The following LAMA2 variants were observed in gnomAD, a reference collection of about 807,000 sequenced individuals.
LAMA2 encodes the protein laminin subunit alpha-2.
Under a neutral mutation model 364.8 loss-of-function variants are expected in LAMA2, and 269 were observed. That is an observed-to-expected ratio of 0.74 (90% CI 0.67 to 0.82). LAMA2 has a LOEUF of 0.82. LAMA2 is among the 40% of genes least tolerant of loss of function. The pLI is 0.00. For synonymous variants in LAMA2, 1,379 were observed against 1,370.6 expected (o/e 1.01, Z -0.14); for missense variants, 3,807 against 3,873.2 (o/e 0.98, Z 0.45).
chr6:129,483,051 T>G (rs1218104186), intron 55 of LAMA2, among the ~76,000 whole-genome samples: 14 of 133,224 alleles, frequency 1.1e-4, no homozygotes, highest in Non-Finnish European at 1.8e-4. Flanking sequence ...TGCGCGACAA[T>G]GTGAGACTCC....
intron 35 of LAMA2, among the ~76,000 whole-genome samples, chr6:129,385,840 T>C (rs1778985528): frequency 6.6e-6 from 1 of 152,180 alleles, no homozygotes; most frequent in Non-Finnish European, 1.5e-5. Context: ...TTTCTATTCT[T>C]AATAAATTTA....
chr6:128,929,600 G>A (rs1779322593), intron 1 of LAMA2: 6 of 1,338,720 alleles, frequency 4.5e-6, no homozygotes, highest in Middle Eastern at 2.1e-4. Flanking sequence ...CCCAGATGCC[G>A]CAAAAGCGCT....
chr6:129,176,710 A>G (rs1470650186), intron 9 of LAMA2, among the ~76,000 whole-genome samples: 1 of 152,096 alleles, frequency 6.6e-6, no homozygotes, highest in Non-Finnish European at 1.5e-5. Context: ...CTTTGGCCCT[A>G]TTTAATATTT....
chr6:129,263,025 A>G (rs1316560543), intron 15 of LAMA2, among the ~76,000 whole-genome samples: 1 of 152,184 alleles, frequency 6.6e-6, no homozygotes, highest in Non-Finnish European at 1.5e-5. Context: ...TAGTGCTGTC[A>G]TCATAGATTT....
chr6:129,453,102 C>T lies in LAMA2; in HGVS notation c.6544C>T (p.Leu2182Phe), dbSNP rs200550594. The T allele has an allele frequency of 6.2e-7, 1 of 1,612,920 alleles. No individual in the cohort carries two copies. Among genetic ancestry groups the T allele is most frequent in the Non-Finnish European group, 8.5e-7 (1 of 1,179,380 alleles). Residue 2182 changes from leucine (L) to phenylalanine (F), a missense_variant, in exon 46 of 65, where the codon CTC (leucine) becomes TTC (phenylalanine). Physicochemically the swap from Leu to Phe is conservative, Grantham distance 22. This residue lies in a region of LAMA2 where 3,333 missense variants were observed against 3,345.7 expected (regional missense o/e 1.00). Coordinates refer to ENST00000421865, the MANE Select transcript of LAMA2 (RefSeq NM_000426.4). ...CGTAAAGACAGCTGTTGCTGATAAC[C>T]TCCTCTTTTATCTTGGAAGTGCCAA... ...VNVKTAVADN[L>F]LFYLGSAKFI... is the part of the protein sequence containing the mutation.
At chr6:129,309,709 G>A (rs915585643) in intron 22 of LAMA2, among the ~76,000 whole-genome samples, 2 of 152,126 alleles carry the variant, frequency 1.3e-5, no homozygotes, top group African/African-American at 4.8e-5. Context: ...ACTTGGCGGT[G>A]AGGTTAGTGG....
In LAMA2 at chr6:129,505,366, G is replaced by A. The variant is rs1785976716; in HGVS notation, c.8703+11G>A. The A allele has an allele frequency of 1.2e-6, 2 of 1,604,104 alleles. No homozygotes were observed. Among genetic ancestry groups the A allele is most frequent in the Non-Finnish European group, 8.5e-7 (1 of 1,171,080 alleles). ...CGAAGAATTGGTCCAGTAAATATCT[G>A]ATTTCTTCTTTATTACTTAAATATA... On this transcript the variant is annotated intron_variant, in intron 61 of 64. Coordinates refer to ENST00000421865, the MANE Select transcript of LAMA2 (RefSeq NM_000426.4).
chr6:129,070,559 T>A lies in LAMA2; in HGVS notation c.396+10663T>A, dbSNP rs1176924284. Among the ~76,000 whole-genome samples the A allele has an allele frequency of 3.5e-5, 5 of 142,096 alleles. No homozygotes were observed. In the East Asian group the frequency reaches 9.6e-4, roughly 27 times the overall value. The allele number at this position is 142,096 out of a possible 152,430, so 93.2% of individuals were successfully genotyped here. ...TTGTAACAGCTTCTTTACTCTTCTGTTGTTGTCATGATATCCTCCAGATTA... is the reference window on the plus strand; with the variant it reads ...TTGTAACAGCTTCTTTACTCTTCTGATGTTGTCATGATATCCTCCAGATTA... On this transcript the variant is annotated intron_variant, in intron 3 of 64. Transcript: ENST00000421865.
chr6:129,290,954 A>G (rs1172817844), intron 19 of LAMA2, among the ~76,000 whole-genome samples: 2 of 152,170 alleles, frequency 1.3e-5, no homozygotes, highest in African/African-American at 4.8e-5. Context: ...TGTCTTTTAA[A>G]CTTCTGAATC....
chr6:128,985,381 G>A (rs1163582345), intron 1 of LAMA2, among the ~76,000 whole-genome samples: 1 of 152,020 alleles, frequency 6.6e-6, no homozygotes, highest in Non-Finnish European at 1.5e-5. Context: ...ACATTTTATT[G>A]GAATGTAAGG....
intron 1 of LAMA2, among the ~76,000 whole-genome samples, chr6:128,888,652 C>G (rs1422894462): frequency 6.6e-6 from 1 of 152,106 alleles, no homozygotes; most frequent in Non-Finnish European, 1.5e-5. Context: ...GAAGAGTACT[C>G]TCTGTACAGG....
chr6:128,982,838 A>C (rs2114642378), intron 1 of LAMA2, among the ~76,000 whole-genome samples: 1 of 134,428 alleles, frequency 7.4e-6, no homozygotes, highest in East Asian at 2.3e-4. Flanking sequence ...TTCAATTCCC[A>C]CCTATGAGTG....
intron 1 of LAMA2, among the ~76,000 whole-genome samples, chr6:129,015,935 T>C (rs1355544726): frequency 6.6e-6 from 1 of 152,026 alleles, no homozygotes; most frequent in Non-Finnish European, 1.5e-5. Flanking sequence ...TACTCTTATC[T>C]GCACTTCAAT....
At chr6:129,314,579 C>T in intron 23 of LAMA2, 76 bp from the exon 24 acceptor site, 3 of 1,359,360 alleles carry the variant, frequency 2.2e-6, no homozygotes, top group Non-Finnish European at 3.1e-6. Context: ...GAGTATGCTC[C>T]CGTTATGCAT....
intron 3 of LAMA2, among the ~76,000 whole-genome samples, chr6:129,091,981 T>C (rs1380635047): frequency 1.3e-5 from 2 of 152,186 alleles, no homozygotes; most frequent in Non-Finnish European, 2.9e-5. Context: ...AGAGCCAGGT[T>C]CTATGTGGCT....
At chr6:129,200,497 CATAT>C (rs548702129) in intron 12 of LAMA2, among the ~76,000 whole-genome samples, 3 of 149,852 alleles carry the variant, frequency 2.0e-5, no homozygotes, top group African/African-American at 4.9e-5. Flanking sequence ...TGTATGTACA[CATAT>C]ATATGTGTGT....
Position 129,427,765 on chromosome 6 carries a change from G to A in LAMA2, c.5879G>A (p.Arg1960Gln), listed in dbSNP as rs375240974. The change falls in exon 41 of 65, where the codon CGG becomes CAG. Residue 1960 changes from arginine to glutamine, a missense_variant. By Grantham distance (43) the Arg-to-Gln change is conservative. Coordinates refer to ENST00000421865, the MANE Select transcript of LAMA2 (RefSeq NM_000426.4). ...HEATKLATGP[R>Q]GLLKEDAKGC... ...TTCTGTCCACAGGCAACAGGTCCTCGGGGTTTATTAAAGGAAGATGCCAAA... is the reference window on the plus strand; with the variant it reads ...TTCTGTCCACAGGCAACAGGTCCTCAGGGTTTATTAAAGGAAGATGCCAAA... The A allele has an allele frequency of 6.2e-6, 10 of 1,613,048 alleles. No homozygotes were observed. The highest frequency in any genetic ancestry group is 2.2e-5 in the East Asian group (1 of 44,860).
chr6:129,081,781 T>C (rs1191793531), intron 3 of LAMA2, among the ~76,000 whole-genome samples: 1 of 152,202 alleles, frequency 6.6e-6, no homozygotes, highest in Non-Finnish European at 1.5e-5. Context: ...GATTTAAAGT[T>C]CTTATTACTT....
intron 8 of LAMA2, chr6:129,158,018 G>A: frequency 6.2e-7 from 1 of 1,613,356 alleles, no homozygotes; most frequent in Non-Finnish European, 8.5e-7. Flanking sequence ...TCTTGATGAG[G>A]ATGTTTTTGC....
Sources: allele counts gnomAD v4.1 joint callset (sites outside exome capture counted in the v4.1 genomes callset), GRCh38; gene constraint gnomAD v4.1.1; regional missense constraint gnomAD v4.1.1; transcripts MANE v1.5; gene names NCBI Gene and HGNC (gene_info 2026-07-23, HGNC 2026-07-21).